The following CYP39A1 variants were observed in gnomAD, a reference collection of about 807,000 sequenced individuals.
CYP39A1 encodes cytochrome P450 family 39 subfamily A member 1.
A neutral mutation model predicts 58.1 loss-of-function variants in CYP39A1; 49 were observed. That is an observed-to-expected ratio of 0.84 (90% CI 0.67 to 1.07). CYP39A1 has a LOEUF of 1.07. Ranked by LOEUF, CYP39A1 falls within the 50% of genes least tolerant of loss-of-function variation. The pLI is 0.00. For synonymous variants in CYP39A1, 209 were observed against 187.6 expected (o/e 1.11, Z -0.93); for missense variants, 531 against 539.4 (o/e 0.98, Z 0.16).
At chr6:46,639,432 G>C (rs1348782637) in intron 3 of CYP39A1, 62 bp downstream of exon 3, 1 of 1,502,144 alleles carries the variant, frequency 6.7e-7, no homozygotes, top group Non-Finnish European at 9.2e-7. Flanking sequence ...CCAATCTATA[G>C]GTTTCAATTT....
chr6:46,598,881 T>C (rs529446546), intron 7 of CYP39A1, among the ~76,000 whole-genome samples: 1 of 152,340 alleles, frequency 6.6e-6, no homozygotes, highest in South Asian at 2.1e-4. Context: ...CGGTATGTAC[T>C]AAGTGTTCAG....
At chr6:46,565,356 A>T (rs58708289) in intron 10 of CYP39A1, among the ~76,000 whole-genome samples, 12,207 of 152,162 alleles carry the variant, frequency 0.08, 824 homozygotes, top group Admixed American at 0.18. Flanking sequence ...TTGATTGGGA[A>T]TACTGGTGAA....
intron 10 of CYP39A1, among the ~76,000 whole-genome samples, chr6:46,562,499 G>C (rs762568819): frequency 3.0e-4 from 46 of 152,030 alleles, no homozygotes; most frequent in Non-Finnish European, 5.6e-4. Flanking sequence ...CAGGCATGGT[G>C]GCTCATGCCT....
chr6:46,551,104 T>G (rs959289577), intron 11 of CYP39A1, among the ~76,000 whole-genome samples: 14 of 152,014 alleles, frequency 9.2e-5, no homozygotes, highest in Non-Finnish European at 8.8e-5. Flanking sequence ...CCATGAGGGC[T>G]GAGGGAAGAT....
chr6:46,584,009 G>A (rs962658533), intron 10 of CYP39A1, among the ~76,000 whole-genome samples: 2 of 152,078 alleles, frequency 1.3e-5, no homozygotes, highest in Non-Finnish European at 2.9e-5. Context: ...TCAAGAACGA[G>A]TGCAATTTTC....
chr6:46,652,629 T>C lies in CYP39A1; in HGVS notation c.-47A>G. On this transcript the variant is annotated 5_prime_UTR_variant, in exon 1 of 12. Coordinates refer to ENST00000275016, the MANE Select transcript of CYP39A1 (RefSeq NM_016593.5). ...GAAGCAGAAAAGTGTGAAACAGTCC[T>C]GCCGTCCCTTGCTTCTTTTCTGTGG... 1 of 1,493,212 alleles carries C rather than the reference T, an allele frequency of 6.7e-7. No individual in the cohort carries two copies. The highest frequency in any genetic ancestry group is 1.4e-5 in the South Asian group (1 of 71,604). 92.5% of individuals were successfully genotyped at this position (1,493,212 alleles called of 1,614,324 possible).
intron 10 of CYP39A1, among the ~76,000 whole-genome samples, chr6:46,564,101 ATTTT>A (rs200089797): frequency 0.15 from 21,540 of 140,404 alleles, 4,659 homozygotes; most frequent in African/African-American, 0.45. Context: ...TTTATTTTGT[ATTTT>A]TTTTATTTTA....
At chr6:46,590,617 C>T (rs1458049011) in intron 8 of CYP39A1, among the ~76,000 whole-genome samples, 1 of 152,050 alleles carries the variant, frequency 6.6e-6, no homozygotes, top group Non-Finnish European at 1.5e-5. Flanking sequence ...CTTATCTCTA[C>T]AAAAAGTTTG....
chr6:46,568,851 A>G (rs1005464846), intron 10 of CYP39A1, among the ~76,000 whole-genome samples: 9 of 151,972 alleles, frequency 5.9e-5, no homozygotes, highest in Admixed American at 1.3e-4. Context: ...TTCTCTTTCA[A>G]GATTGTTTTG....
At position 46,571,292 on chromosome 6, in the gene CYP39A1, G is replaced by T. The variant is rs567825080; in HGVS notation, c.1250+15785C>A. On this transcript the variant is annotated intron_variant, in intron 10 of 11. Transcript: ENST00000275016. ...TGTTTCCTTATTGATTTTCTGCTTG[G>T]ATGATCTCTCTATTGTTGAAAGTGG... Among the ~76,000 whole-genome samples the T allele has an allele frequency of 3.9e-5, 6 of 152,148 alleles. No individual in the cohort carries two copies. In the East Asian group the frequency reaches 1.2e-3, roughly 29 times the overall value.
intron 7 of CYP39A1, among the ~76,000 whole-genome samples, chr6:46,624,117 A>C (rs1775144919): frequency 1.3e-5 from 2 of 152,204 alleles, no homozygotes; most frequent in Non-Finnish European, 2.9e-5. Context: ...AATTTAGATT[A>C]ATGTTACACT....
intron 1 of CYP39A1, among the ~76,000 whole-genome samples, chr6:46,650,820 C>A (rs1464870391): frequency 4.6e-5 from 7 of 152,080 alleles, no homozygotes; most frequent in Non-Finnish European, 7.4e-5. Context: ...CCAGCAATAA[C>A]TTGTTTTGTT....
At chr6:46,639,989 G>A (rs949685823) in intron 2 of CYP39A1, among the ~76,000 whole-genome samples, 1 of 152,146 alleles carries the variant, frequency 6.6e-6, no homozygotes, top group Admixed American at 6.5e-5. Flanking sequence ...GCGGGCACCT[G>A]TAATCCCAGC....
intron 7 of CYP39A1, among the ~76,000 whole-genome samples, chr6:46,616,177 T>TTA (rs1561994002): frequency 2.5e-4 from 10 of 39,786 alleles, no homozygotes; most frequent in African/African-American, 5.8e-4. Context: ...CTTTCTTTCT[T>TTA]TCTTTCTTTC....
chr6:46,643,437 A>C (rs1463565988), intron 1 of CYP39A1, among the ~76,000 whole-genome samples: 1 of 152,262 alleles, frequency 6.6e-6, no homozygotes, highest in Non-Finnish European at 1.5e-5. Flanking sequence ...AAAATCATTA[A>C]GCCACCAGAA....
chr6:46,609,240 A>T (rs1397771282), intron 7 of CYP39A1, among the ~76,000 whole-genome samples: 2 of 151,728 alleles, frequency 1.3e-5, no homozygotes, highest in Non-Finnish European at 2.9e-5. Context: ...TCTGTGCTAA[A>T]TATACAAAAA....
In CYP39A1 at chr6:46,629,756, T is replaced by A. The variant is rs114509389; in HGVS notation, c.840+1207A>T. Among the ~76,000 whole-genome samples, 385 of 152,260 alleles carry A rather than the reference T, an allele frequency of 2.5e-3. 1 individual carries two copies. Among genetic ancestry groups the A allele is most frequent in the African/African-American group, 8.6e-3 (357 of 41,536 alleles). ...GCCCACACATATCATCATGGATAGG[T>A]TAAATCCTCCTGTTTAGTAGAAAAC... On this transcript the variant is annotated intron_variant, in intron 6 of 11. Transcript: ENST00000275016.
chr6:46,637,787 A>G (rs895880353), intron 4 of CYP39A1, 42 bp downstream of exon 4: 2 of 1,593,906 alleles, frequency 1.3e-6, no homozygotes, highest in African/African-American at 2.7e-5. Flanking sequence ...AATTGCTGAG[A>G]TAAGCTTGGT....
At chr6:46,651,433 A>T (rs1762681213) in intron 1 of CYP39A1, among the ~76,000 whole-genome samples, 1 of 152,236 alleles carries the variant, frequency 6.6e-6, no homozygotes, top group African/African-American at 2.4e-5. Flanking sequence ...CACATAAAAG[A>T]GTATTATACT....
Sources: gnomAD v4.1 joint callset for allele counts (sites outside exome capture counted in the v4.1 genomes callset) on GRCh38, gnomAD v4.1.1 for gene constraint, MANE v1.5 for transcripts, NCBI Gene and HGNC (gene_info 2026-07-23, HGNC 2026-07-21) for gene names.